The following LCN12 variants were observed in gnomAD, a reference collection of about 807,000 sequenced individuals.
The protein encoded by LCN12 is epididymal-specific lipocalin-12.
In LCN12, 15 loss-of-function variants were observed where a neutral mutation model predicts 23.7. The ratio of observed to expected loss-of-function variants is 0.63; its 90% CI spans 0.42 to 0.97. The LOEUF (loss-of-function observed/expected upper bound fraction) is 0.97. Ranked by LOEUF, LCN12 falls within the 50% of genes least tolerant of loss-of-function variation. The probability of loss-of-function intolerance (pLI) is 0.00; values close to 1 mark genes in which losing one functional copy is unlikely to be tolerated. For synonymous variants in LCN12, 116 were observed against 111.5 expected (o/e 1.04, Z -0.25); for missense variants, 219 against 249.6 (o/e 0.88, Z 0.83).
Position 136,955,449 on chromosome 9 carries a change from G to A in LCN12, c.*50G>A. The stretch of plus-strand genomic sequence containing the variant: ...CCAGCCCTGCCTCACAGCTGTGCGA[G>A]CTCTGCCCTCCTCAGCTCTCAAACC... On this transcript the variant is annotated 3_prime_UTR_variant, in exon 6 of 6. Coordinates refer to ENST00000371633, the MANE Select transcript of LCN12 (RefSeq NM_178536.4). 6.4e-7 allele frequency: 1 copy of A among 1,565,906 alleles called. No homozygotes were observed. The highest frequency in any genetic ancestry group is 8.8e-7 in the Non-Finnish European group (1 of 1,138,046).
At position 136,953,870 on chromosome 9, in the gene LCN12, G is replaced by C; in HGVS notation, c.354G>C (p.Glu118Asp). ...CAGAGCCCGGGGCGGACAGAGAGGA[G>C]ACCCGGGTGGTGGACAGCGACTACA... ...HGVEPGADRE[E>D]TRVVDSDYTQ... Residue 118 changes from glutamate (E) to aspartate (D), a missense_variant, in exon 4 of 6, where the codon GAG (glutamate) becomes GAC (aspartate). By Grantham distance (45) the Glu-to-Asp change is conservative (BLOSUM62 2). Transcript: ENST00000371633. 6.2e-7 allele frequency: 1 copy of C among 1,604,264 alleles called. No homozygotes were observed. The highest frequency in any genetic ancestry group is 8.5e-7 in the Non-Finnish European group (1 of 1,175,968).
intron 5 of LCN12, 69 bp downstream of exon 5, chr9:136,954,324 C>T: frequency 3.3e-6 from 5 of 1,499,808 alleles, no homozygotes; most frequent in East Asian, 4.9e-5. Flanking sequence ...TTTGGTTGAC[C>T]CTAGAGGAGC....
upstream of LCN12, among the ~76,000 whole-genome samples, chr9:136,950,249 C>T (rs1404041496): frequency 6.6e-6 from 1 of 152,184 alleles, no homozygotes; most frequent in African/African-American, 2.4e-5. Flanking sequence ...CCGGGAGGCT[C>T]CTGCAGGGGA....
upstream of LCN12, chr9:136,951,469 G>C (rs1851149750): frequency 6.6e-6 from 1 of 152,346 alleles, no homozygotes; most frequent in African/African-American, 2.4e-5. Context: ...TGTCCAGGGT[G>C]ATGTCAAACT....
chr9:136,952,661 C>T (rs1467656256), intron 1 of LCN12: 25 of 632,610 alleles, frequency 4.0e-5, no homozygotes, highest in Non-Finnish European at 5.7e-5. Context: ...TCCCTCTGTG[C>T]GTGAGGGGAA....
intron 1 of LCN12, 34 bp downstream of exon 1, chr9:136,952,475 G>A: frequency 6.7e-7 from 1 of 1,482,668 alleles, no homozygotes; most frequent in Non-Finnish European, 9.4e-7. Flanking sequence ...GAAGCAGCCG[G>A]CTGGGTCTGA....
chr9:136,954,690 A>G lies in LCN12; in HGVS notation c.550+435A>G, dbSNP rs775417410. ...CCTGGGCCACCTCCTCCCCTCACCCATCCCTGCTCACAAGGAGCTTGGACT... is the reference window on the plus strand; with the variant it reads ...CCTGGGCCACCTCCTCCCCTCACCCGTCCCTGCTCACAAGGAGCTTGGACT... On this transcript the variant is annotated intron_variant, in intron 5 of 5. Transcript: ENST00000371633. 13 of 1,286,004 alleles carry G rather than the reference A, an allele frequency of 1.0e-5. No individual in the cohort carries two copies. The South Asian group carries it at 1.6e-4, about 16-fold the overall frequency. The allele number at this position is 1,286,004 out of a possible 1,614,324, so 79.7% of individuals were successfully genotyped here. A position where few individuals can be genotyped will look rare whatever the true frequency, so the allele number is the denominator to read the frequency against.
intron 1 of LCN12, 93 bp from the exon 2 acceptor site, chr9:136,952,799 C>A: frequency 6.8e-7 from 1 of 1,474,406 alleles, no homozygotes. Flanking sequence ...TGTGAGGGGT[C>A]CAGAAGCTGC....
In LCN12 at chr9:136,952,284, G is replaced by T; in HGVS notation, c.-44G>T. 7.0e-7 allele frequency: 1 copy of T among 1,430,100 alleles called. No homozygotes were observed. The highest frequency in any genetic ancestry group is 9.7e-7 in the Non-Finnish European group (1 of 1,027,196). The allele number at this position is 1,430,100 out of a possible 1,614,324, so 88.6% of individuals were successfully genotyped here. A position where few individuals can be genotyped will look rare whatever the true frequency, so the allele number is the denominator to read the frequency against. On this transcript the variant is annotated 5_prime_UTR_variant, in exon 1 of 6. Coordinates refer to ENST00000371633, the MANE Select transcript of LCN12 (RefSeq NM_178536.4). Reference sequence around the variant, plus strand: ...TGGGTCTCTGGGTCACCTGCCCATGGCCACTTCCTTCTCTCTGTCCCTGTG... The same window carrying T: ...TGGGTCTCTGGGTCACCTGCCCATGTCCACTTCCTTCTCTCTGTCCCTGTG...
chr9:136,952,374 T>G lies in LCN12; in HGVS notation c.47T>G (p.Val16Gly). The G allele has an allele frequency of 8.7e-6, 14 of 1,611,982 alleles. No individual in the cohort carries two copies. Among genetic ancestry groups the G allele is most frequent in the Non-Finnish European group, 1.2e-5 (14 of 1,179,448 alleles). ...GLWLWLSLLK[V>G]LQAQTPTPLP... ...TGGCTGTGGCTCTCCTTGCTGAAAGTCCTGCAGGCCCAGACCCCAACCCCC... is the reference window on the plus strand; with the variant it reads ...TGGCTGTGGCTCTCCTTGCTGAAAGGCCTGCAGGCCCAGACCCCAACCCCC... Residue 16 changes from valine to glycine, a missense_variant, in exon 1 of 6, where the codon GTC becomes GGC. Coordinates refer to ENST00000371633, the MANE Select transcript of LCN12 (RefSeq NM_178536.4).
intron 5 of LCN12, chr9:136,955,066 C>A: frequency 7.1e-7 from 1 of 1,406,380 alleles, no homozygotes; most frequent in Non-Finnish European, 9.2e-7. Flanking sequence ...CTGCACACAC[C>A]TGCACACTCG....
At chr9:136,949,302 G>A (rs927686072), upstream of LCN12, among the ~76,000 whole-genome samples, 1 of 152,206 alleles carries the variant, frequency 6.6e-6, no homozygotes, top group African/African-American at 2.4e-5. Context: ...CAAGACCTGC[G>A]GGGTCAGGAG....
At chr9:136,951,883 G>A (rs549285232), upstream of LCN12, among the ~76,000 whole-genome samples, 13 of 152,370 alleles carry the variant, frequency 8.5e-5, no homozygotes, top group African/African-American at 2.2e-4. Context: ...GGGAATGCCC[G>A]GGTTTGGCCA....
chr9:136,950,963 G>A (rs1444940672), upstream of LCN12, among the ~76,000 whole-genome samples: 1 of 152,064 alleles, frequency 6.6e-6, no homozygotes, highest in African/African-American at 2.4e-5. Flanking sequence ...CTGGATGAGG[G>A]GAGGAGGTGG....
At chr9:136,956,536 C>G (rs911072520), downstream of LCN12, among the ~76,000 whole-genome samples, 4 of 152,248 alleles carry the variant, frequency 2.6e-5, no homozygotes, top group African/African-American at 9.6e-5. Context: ...AGCCACAATT[C>G]AACCTTTTCT....
intron 1 of LCN12, 81 bp downstream of exon 1, chr9:136,952,522 A>T (rs2131374884): frequency 2.9e-6 from 3 of 1,022,656 alleles, no homozygotes; most frequent in Middle Eastern, 2.4e-4. Context: ...AGGCCTGGGG[A>T]TGCTGCCCAG....
chr9:136,954,035 C>A, intron 4 of LCN12, 71 bp downstream of exon 4: 1 of 1,569,946 alleles, frequency 6.4e-7, no homozygotes, highest in Non-Finnish European at 8.6e-7. Flanking sequence ...TTGGGTCAGA[C>A]CCTGCCTCCC....
In LCN12 at chr9:136,952,902, A is replaced by T. The variant is rs778022096; in HGVS notation, c.125A>T (p.Glu42Val). The T allele has an allele frequency of 7.8e-7, 1 of 1,286,108 alleles. No individual in the cohort carries two copies. The highest frequency in any genetic ancestry group is 1.1e-6 in the Non-Finnish European group (1 of 943,166). The allele number at this position is 1,286,108 out of a possible 1,614,324, so 79.7% of individuals were successfully genotyped here. Residue 42 changes from glutamate to valine, a missense_variant, in exon 2 of 6, where the codon GAA (glutamate) becomes GTA (valine). Glu to Val is a moderately radical substitution (Grantham distance 121, BLOSUM62 -2). Transcript: ENST00000371633. The part of the protein sequence containing the change: ...QSFQGNQFQG[E>V]WFVLGLAGNS... ...CCACCGCCTCTGTAGTTCCAGGGGGAATGGTTCGTCCTGGGCCTGGCGGGC... is the reference window on the plus strand; with the variant it reads ...CCACCGCCTCTGTAGTTCCAGGGGGTATGGTTCGTCCTGGGCCTGGCGGGC...
In LCN12 at chr9:136,953,698, A is replaced by G; in HGVS notation, c.252-2A>G. 6.3e-7 allele frequency: 1 copy of G among 1,582,722 alleles called. No homozygotes were observed. The highest frequency in any genetic ancestry group is 8.6e-7 in the Non-Finnish European group (1 of 1,163,622). On this transcript the variant is annotated splice_acceptor_variant, in intron 2 of 5. Transcript: ENST00000371633. LOFTEE classifies it high-confidence loss of function. The stretch of plus-strand genomic sequence containing the variant: ...TCCGCCTCCACCTGTCCCCTCCTAC[A>G]GAGGCCAGCACTGTGACACATGGTC...
Sources: allele counts gnomAD v4.1 joint callset (sites outside exome capture counted in the v4.1 genomes callset), GRCh38; gene constraint gnomAD v4.1.1; transcripts MANE v1.5; gene names NCBI Gene and HGNC (gene_info 2026-07-23, HGNC 2026-07-21).